SNX25: variants seen among roughly 807,000 people sequenced by gnomAD.
The protein encoded by SNX25 is sorting nexin 25.
SNX25 carries 62 observed loss-of-function variants against 113.7 expected under a neutral mutation model. The observed-to-expected ratio is 0.55, with a 90% confidence interval of 0.44 to 0.67. The LOEUF (loss-of-function observed/expected upper bound fraction) is 0.67. SNX25 is among the 30% of genes least tolerant of loss of function. The pLI is 0.00. For synonymous variants in SNX25, 421 were observed against 436.2 expected (o/e 0.97, Z 0.43); for missense variants, 1,014 against 1,161.0 (o/e 0.87, Z 1.84).
At chr4:185,355,249 A>C (rs1482658815) in intron 15 of SNX25, among the ~76,000 whole-genome samples, 2 of 152,264 alleles carry the variant, frequency 1.3e-5, no homozygotes, top group East Asian at 3.8e-4. Flanking sequence ...TGCCAGAATG[A>C]ATTACCTTTG....
rs539528997 is a variant in SNX25 at position 185,334,736 on chromosome 4, T to G, written c.1914+1977T>G. Among the ~76,000 whole-genome samples, 1 of 152,272 alleles carries G rather than the reference T, an allele frequency of 6.6e-6. No individual in the cohort carries two copies. Among genetic ancestry groups the G allele is most frequent in the African/African-American group, 2.4e-5 (1 of 41,476 alleles). ...ATTCAGCCTTTCTTAAAATAACTTCTGATAACCATGGAATAAACATTCTTA... is the reference window on the plus strand; with the variant it reads ...ATTCAGCCTTTCTTAAAATAACTTCGGATAACCATGGAATAAACATTCTTA... On this transcript the variant is annotated intron_variant, in intron 10 of 18. Transcript: ENST00000652585. This position sits in a 1 kb window ranked among gnomAD's most constrained non-coding sequence, Gnocchi z 4.2.
intron 9 of SNX25, among the ~76,000 whole-genome samples, chr4:185,324,873 G>A (rs2095145324): frequency 6.6e-6 from 1 of 152,110 alleles, no homozygotes; most frequent in South Asian, 2.1e-4. Context: ...TTCTGGTCTT[G>A]GATTGACTGT....
At chr4:185,267,483 C>A (rs1453551305) in intron 5 of SNX25, among the ~76,000 whole-genome samples, 3 of 152,094 alleles carry the variant, frequency 2.0e-5, no homozygotes, top group African/African-American at 7.2e-5. Flanking sequence ...GTAATCCCAG[C>A]ACTTTGGGAG....
At chr4:185,378,556 A>T in the SNX25 span, 1 of 1,028,696 alleles carries the variant, frequency 9.7e-7, no homozygotes, top group Middle Eastern at 4.8e-4. Flanking sequence ...CCACAGTCAG[A>T]GCTCTTCTGC....
chr4:185,374,179 G>T, downstream of SNX25: 4 of 1,614,116 alleles, frequency 2.5e-6, no homozygotes, highest in Non-Finnish European at 2.5e-6. Flanking sequence ...TACAGCCCGA[G>T]CATACTTTGA....
chr4:185,374,325 G>C (rs767479985), downstream of SNX25: 390 of 1,613,892 alleles, frequency 2.4e-4, no homozygotes, highest in Non-Finnish European at 3.1e-4. Context: ...TTACCTTTCA[G>C]CTTCCTCATT....
At chr4:185,340,130 A>G (rs1172048969) in intron 11 of SNX25, among the ~76,000 whole-genome samples, 6 of 152,188 alleles carry the variant, frequency 3.9e-5, no homozygotes, top group Admixed American at 1.3e-4. Context: ...TGGAGATGAA[A>G]GTCATATAAT....
chr4:185,352,270 A>T (rs545862662), intron 14 of SNX25, among the ~76,000 whole-genome samples: 1 of 152,298 alleles, frequency 6.6e-6, no homozygotes, highest in South Asian at 2.1e-4. Context: ...AGCAAATTGC[A>T]CAGGACCAGC....
chr4:185,313,530 G>A (rs952917483), intron 7 of SNX25, among the ~76,000 whole-genome samples: 6 of 152,144 alleles, frequency 3.9e-5, no homozygotes, highest in Non-Finnish European at 8.8e-5. Flanking sequence ...ATATTTGGTA[G>A]CATATCTAAA....
intron 1 of SNX25, among the ~76,000 whole-genome samples, chr4:185,241,295 G>T (rs866126391): frequency 6.6e-6 from 1 of 152,116 alleles, no homozygotes; most frequent in African/African-American, 2.4e-5. Flanking sequence ...GGCCAACACA[G>T]CGAAACCCCG....
chr4:185,302,398 A>C (rs1579697150), intron 6 of SNX25, among the ~76,000 whole-genome samples: 1 of 152,142 alleles, frequency 6.6e-6, no homozygotes, highest in East Asian at 1.9e-4. Flanking sequence ...AGTCTTGGGG[A>C]CTGAACCCTC....
downstream of SNX25, chr4:185,374,299 T>C: frequency 6.2e-7 from 1 of 1,614,138 alleles, no homozygotes; most frequent in Non-Finnish European, 8.5e-7. Context: ...AAACCTAATC[T>C]TGTTCTCAGG....
In SNX25 at chr4:185,353,492, C is replaced by T. The variant is rs140168123; in HGVS notation, c.2474C>T (p.Thr825Ile). The T allele has an allele frequency of 4.3e-6, 7 of 1,613,212 alleles. No individual in the cohort carries two copies. The African/African-American group carries it at 8.0e-5, about 18-fold the overall frequency. Residue 825 changes from threonine to isoleucine, a missense_variant, in exon 15 of 19, where the codon ACA becomes ATA. Coordinates refer to ENST00000652585, the MANE Select transcript of SNX25 (RefSeq NM_001378034.2). ...RDFFSHQEEE[T>I]EEDSDLSDYG... ...ACTTTGCTGTATTCCCAGGAGGAGA[C>T]AGAGGAGGACAGTGACCTGTCAGAT...
intron 12 of SNX25, among the ~76,000 whole-genome samples, chr4:185,344,813 T>TTTCTTCAACTGC (rs1254603699): frequency 6.6e-6 from 1 of 152,204 alleles, no homozygotes; most frequent in Admixed American, 6.5e-5. Context: ...CATACTATAA[T>TTTCTTCAACTGC]TTCTTCAACT....
intron 5 of SNX25, among the ~76,000 whole-genome samples, chr4:185,277,521 G>A (rs1014049930): frequency 3.3e-5 from 5 of 152,016 alleles, no homozygotes; most frequent in Admixed American, 6.6e-5. Flanking sequence ...TAATACTCCC[G>A]CCATGGCCGA....
intron 1 of SNX25, among the ~76,000 whole-genome samples, chr4:185,242,308 C>T (rs1308971955): frequency 2.0e-5 from 3 of 152,102 alleles, no homozygotes; most frequent in East Asian, 1.9e-4. Context: ...GTTCCAGCAT[C>T]GTCTACCTGG....
At chr4:185,325,059 C>A (rs1408005346) in intron 9 of SNX25, among the ~76,000 whole-genome samples, 1 of 152,148 alleles carries the variant, frequency 6.6e-6, no homozygotes, top group Admixed American at 6.5e-5. Context: ...TGTTTCCAAA[C>A]CAAGAATCTG....
At chr4:185,235,944 C>T (rs999274458) in intron 1 of SNX25, among the ~76,000 whole-genome samples, 23 of 152,106 alleles carry the variant, frequency 1.5e-4, no homozygotes, top group African/African-American at 4.6e-4. Context: ...AAACCAGAGC[C>T]GCTTGTCTAT....
At chr4:185,279,703 G>A (rs986763569) in intron 5 of SNX25, among the ~76,000 whole-genome samples, 1 of 152,180 alleles carries the variant, frequency 6.6e-6, no homozygotes, top group Admixed American at 6.5e-5. Flanking sequence ...AAGGGTGTAG[G>A]AAAATAGAAC....
Sources: gnomAD v4.1 joint callset for allele counts (sites outside exome capture counted in the v4.1 genomes callset) on GRCh38, gnomAD v4.1.1 for gene constraint, Gnocchi (gnomAD v3.1) non-coding constraint, MANE v1.5 for transcripts, NCBI Gene and HGNC (gene_info 2026-07-23, HGNC 2026-07-21) for gene names.